FBRSL1: variants seen among roughly 807,000 people sequenced by gnomAD.
FBRSL1 encodes the protein fibrosin-1-like protein.
A neutral mutation model predicts 89.6 loss-of-function variants in FBRSL1; 51 were observed. The ratio of observed to expected loss-of-function variants is 0.57; its 90% CI spans 0.45 to 0.72. The LOEUF (loss-of-function observed/expected upper bound fraction) is 0.72. Among genes scored for constraint, FBRSL1 ranks in the 30% least tolerant of loss-of-function variants. The pLI is 0.00. For synonymous variants in FBRSL1, 779 were observed against 681.1 expected (o/e 1.14, Z -2.24); for missense variants, 1,618 against 1,451.8 (o/e 1.11, Z -1.86).
intron 2 of FBRSL1, 84 bp downstream of exon 2, chr12:132,508,434 G>T: frequency 7.5e-7 from 1 of 1,332,354 alleles, no homozygotes; most frequent in East Asian, 2.6e-5. Context: ...TGGACACCAC[G>T]CCACGTGGCC....
intron 2 of FBRSL1, among the ~76,000 whole-genome samples, chr12:132,513,795 G>C (rs560536855): frequency 1.8e-4 from 27 of 152,282 alleles, no homozygotes; most frequent in African/African-American, 6.5e-4. Flanking sequence ...CCAACCCCAC[G>C]AGGGGCCTGG....
chr12:132,565,397 G>A (rs1247956595), intron 5 of FBRSL1: 9 of 152,234 alleles, frequency 5.9e-5, no homozygotes, highest in African/African-American at 1.9e-4. Context: ...TGATGCTCAT[G>A]TAAACAAACA....
At chr12:132,581,632 G>T in intron 16 of FBRSL1, 109 bp from the exon 17 acceptor site, 1 of 1,483,016 alleles carries the variant, frequency 6.7e-7, no homozygotes, top group Non-Finnish European at 9.2e-7. Context: ...CTTGGGTCAT[G>T]CAGGCAGTAC....
chr12:132,567,573 A>G (rs959919040), intron 6 of FBRSL1, 47 bp downstream of exon 6: 3 of 1,530,592 alleles, frequency 2.0e-6, no homozygotes, highest in Middle Eastern at 1.7e-4. Context: ...GAAGAGACAC[A>G]ATGCGCCCTG....
intron 5 of FBRSL1, among the ~76,000 whole-genome samples, chr12:132,557,535 C>T (rs1349314744): frequency 1.3e-5 from 2 of 152,346 alleles, no homozygotes; most frequent in African/African-American, 2.4e-5. Context: ...TGACCCAGGC[C>T]AGGATCTCTG....
Position 132,572,565 on chromosome 12 carries a change from C to T in FBRSL1, c.1473C>T (p.Pro491=), listed in dbSNP as rs1437534566. Residue 491 remains proline, a synonymous_variant, in exon 11 of 19, where the codon CCC becomes CCT. Transcript: ENST00000680143. ...PSFPPAIPGL[P]TLLPHPGPFG... ...TCCCTCCTGCCATCCCGGGACTGCC[C>T]ACCCTGCTCCCACACCCCGGCCCCT... The T allele has an allele frequency of 6.4e-7, 1 of 1,551,380 alleles. No individual in the cohort carries two copies. The highest frequency in any genetic ancestry group is 1.2e-5 in the South Asian group (1 of 84,062).
intron 4 of FBRSL1, among the ~76,000 whole-genome samples, chr12:132,540,701 C>A (rs1374589317): frequency 6.6e-6 from 1 of 152,142 alleles, no homozygotes. Context: ...AACACATCAG[C>A]ACCTGGAACC....
chr12:132,544,601 ATGG>A (rs1011361492), intron 4 of FBRSL1, among the ~76,000 whole-genome samples: 7 of 151,702 alleles, frequency 4.6e-5, no homozygotes, highest in African/African-American at 1.5e-4. Flanking sequence ...AACGACAGTG[ATGG>A]TGGTGAAGAT....
intron 1 of FBRSL1, among the ~76,000 whole-genome samples, chr12:132,501,465 G>A (rs1261004086): frequency 1.3e-5 from 2 of 152,146 alleles, no homozygotes; most frequent in African/African-American, 4.8e-5. Flanking sequence ...CCGGGGGAGG[G>A]GCTCCCAGGG....
At chr12:132,561,721 A>T (rs1365448284) in intron 5 of FBRSL1, among the ~76,000 whole-genome samples, 1 of 152,104 alleles carries the variant, frequency 6.6e-6, no homozygotes, top group Non-Finnish European at 1.5e-5. Flanking sequence ...GCCAGCCAAG[A>T]AGAGGGCCCG....
intron 1 of FBRSL1, among the ~76,000 whole-genome samples, chr12:132,504,564 A>G (rs2033444554): frequency 1.3e-5 from 2 of 152,060 alleles, no homozygotes; most frequent in Admixed American, 1.3e-4. Flanking sequence ...CTGTGTGCGC[A>G]GGTGTGGTGC....
intron 1 of FBRSL1, among the ~76,000 whole-genome samples, chr12:132,492,833 G>A (rs1489285303): frequency 6.6e-6 from 1 of 152,206 alleles, no homozygotes; most frequent in Non-Finnish European, 1.5e-5. Context: ...AAAGTACGGG[G>A]CTTCTGCACA....
Position 132,583,372 on chromosome 12 carries a change from C to T in FBRSL1, c.2603C>T (p.Ala868Val). 2 of 1,100,042 alleles carry T rather than the reference C, an allele frequency of 1.8e-6. No individual in the cohort carries two copies. The highest frequency in any genetic ancestry group is 3.0e-5 in the South Asian group (1 of 33,620). The allele number at this position is 1,100,042 out of a possible 1,614,324, so 68.1% of individuals were successfully genotyped here. Residue 868 changes from alanine (A) to valine (V), a missense_variant, in exon 19 of 19, where the codon GCC becomes GTC. Physicochemically the swap from Ala to Val is moderately conservative, Grantham distance 64 (BLOSUM62 0). Coordinates refer to ENST00000680143, the MANE Select transcript of FBRSL1 (RefSeq NM_001367871.1). The stretch of plus-strand genomic sequence containing the variant: ...CTGCCACGTCGCGCCTTCCCCGCTG[C>T]CGCCCCCGCCCCGGGCTCCGCCGCC... ...LELPRRAFPA[A>V]APAPGSAALL...
rs1211904732 is a variant in FBRSL1 at position 132,490,546 on chromosome 12, G to T, written c.-25G>T. On this transcript the variant is annotated 5_prime_UTR_variant, in exon 1 of 19. Coordinates refer to ENST00000680143, the MANE Select transcript of FBRSL1 (RefSeq NM_001367871.1). ...CCAGGCGCGGGGCGTCAAGGTCACCGGCCCGACGGGGCGCACGCGCGGCCA... is the reference window on the plus strand; with the variant it reads ...CCAGGCGCGGGGCGTCAAGGTCACCTGCCCGACGGGGCGCACGCGCGGCCA... The T allele has an allele frequency of 2.0e-6, 2 of 980,602 alleles. No homozygotes were observed. The highest frequency in any genetic ancestry group is 4.6e-5 in the South Asian group (1 of 21,856). The allele number at this position is 980,602 out of a possible 1,614,324, so 60.7% of individuals were successfully genotyped here. A position where few individuals can be genotyped will look rare whatever the true frequency, so the allele number is the denominator to read the frequency against.
intron 1 of FBRSL1, among the ~76,000 whole-genome samples, chr12:132,505,899 A>G (rs1364083907): frequency 6.6e-6 from 1 of 152,262 alleles, no homozygotes; most frequent in African/African-American, 2.4e-5. Context: ...TCTCAAGAGC[A>G]GAGTGCTGGG....
intron 5 of FBRSL1, among the ~76,000 whole-genome samples, chr12:132,563,607 A>G (rs66709032): frequency 0.18 from 27,038 of 151,882 alleles, 3,222 homozygotes; most frequent in African/African-American, 0.33. Context: ...TTGGTTTCCA[A>G]TGCTGTCATT....
At position 132,583,967 on chromosome 12, in the gene FBRSL1, G is replaced by C. The variant is rs1386761526; in HGVS notation, c.*189G>C. ...CTTTTGTTTTCCGAGTTTGGGATTC[G>C]GCTGTTGGGAAAAAAAAATCGCGTT... is the stretch of plus-strand genomic sequence containing the variant. On this transcript the variant is annotated 3_prime_UTR_variant, in exon 19 of 19. Coordinates refer to ENST00000680143, the MANE Select transcript of FBRSL1 (RefSeq NM_001367871.1). The C allele has an allele frequency of 6.9e-6, 2 of 289,090 alleles. No individual in the cohort carries two copies. Among genetic ancestry groups the C allele is most frequent in the Non-Finnish European group, 1.3e-5 (2 of 156,670 alleles). 17.9% of individuals were successfully genotyped at this position (289,090 alleles called of 1,614,324 possible). A position where few individuals can be genotyped will look rare whatever the true frequency, so the allele number is the denominator to read the frequency against.
intron 2 of FBRSL1, among the ~76,000 whole-genome samples, chr12:132,523,428 G>A (rs551998591): frequency 6.6e-6 from 1 of 152,190 alleles, no homozygotes; most frequent in Admixed American, 6.5e-5. Context: ...AGCACACGCA[G>A]GGCAGCCCAC....
At chr12:132,527,300 T>C (rs2035865658) in intron 3 of FBRSL1, among the ~76,000 whole-genome samples, 1 of 152,210 alleles carries the variant, frequency 6.6e-6, no homozygotes. Flanking sequence ...TCCTGCCTCC[T>C]CTGAGGAGCA....
Sources: gnomAD v4.1 joint callset for allele counts (sites outside exome capture counted in the v4.1 genomes callset) on GRCh38, gnomAD v4.1.1 for gene constraint, MANE v1.5 for transcripts, NCBI Gene and HGNC (gene_info 2026-07-23, HGNC 2026-07-21) for gene names.